FBXO22: variants seen among roughly 807,000 people sequenced by gnomAD.
FBXO22 encodes the protein F-box only protein 22.
Under a neutral mutation model 37.2 loss-of-function variants are expected in FBXO22, and 13 were observed. The ratio of observed to expected loss-of-function variants is 0.35; its 90% CI spans 0.23 to 0.56. The LOEUF (loss-of-function observed/expected upper bound fraction) is 0.56, where lower values mean the gene tolerates loss of function less well. Ranked by LOEUF, FBXO22 falls within the 20% of genes least tolerant of loss-of-function variation. FBXO22 has a pLI of 0.87. For missense variants in FBXO22, 446 were observed against 509.9 expected (o/e 0.87, Z 1.21); for synonymous variants, 189 against 189.1 (o/e 1.00, Z 0.00).
In FBXO22 at chr15:75,937,300, G is replaced by C. The variant is rs182012677; in HGVS notation, c.*4198G>C. 1 of 151,418 alleles carries C rather than the reference G, an allele frequency of 6.6e-6. No individual in the cohort carries two copies. Among genetic ancestry groups the C allele is most frequent in the Non-Finnish European group, 1.5e-5 (1 of 67,882 alleles). The allele number at this position is 151,418 out of a possible 1,614,324, so 9.4% of individuals were successfully genotyped here. ...CGAGATGGGCAGATCACGAGGTCAG[G>C]AGATCGAGACCATCCTGGCTAACAC... On this transcript the variant is annotated 3_prime_UTR_variant, in exon 7 of 7. Transcript: ENST00000308275.
Position 75,904,538 on chromosome 15 carries a change from A to G in FBXO22, c.188A>G (p.His63Arg). The change falls in exon 2 of 7, where the codon CAT (histidine) becomes CGT (arginine). Residue 63 changes from histidine to arginine, a missense_variant. Coordinates refer to ENST00000308275, the MANE Select transcript of FBXO22 (RefSeq NM_147188.3). The stretch of plus-strand genomic sequence containing the variant: ...TGTGTGCGCAGAGTATTGCGGACCC[A>G]TCGGAGCGTAACCTGGATCTCCGCA... ...RECVRRVLRTHRSVTWISAGL... is the reference protein window; with the variant it reads ...RECVRRVLRTRRSVTWISAGL... The G allele has an allele frequency of 4.3e-6, 7 of 1,613,930 alleles. No homozygotes were observed. Among genetic ancestry groups the G allele is most frequent in the Non-Finnish European group, 5.9e-6 (7 of 1,179,892 alleles).
At chr15:75,904,320 C>A in intron 1 of FBXO22, 171 bp from the exon 2 acceptor site, 1 of 1,138,988 alleles carries the variant, frequency 8.8e-7, no homozygotes, top group Admixed American at 2.7e-5. Flanking sequence ...AGGTTTTCTC[C>A]ATATCTGGCT....
In FBXO22 at chr15:75,915,503, C is replaced by T. The variant is rs144060443; in HGVS notation, c.463+1298C>T. 1.4e-3 allele frequency among the ~76,000 whole-genome samples: 210 copies of T among 152,168 alleles called. 2 individuals carry two copies. The highest frequency in any genetic ancestry group is 4.9e-3 in the African/African-American group (203 of 41,524). ...CTTTTTGGCCTGGCGTGGTGGCTGA[C>T]ACCTGTAATCCCAGCACTTTAGGAG... On this transcript the variant is annotated intron_variant, in intron 4 of 6. Transcript: ENST00000308275.
At position 75,939,625 on chromosome 15, in the gene FBXO22, G is replaced by C. The variant is rs1396407949; in HGVS notation, c.*6523G>C. On this transcript the variant is annotated 3_prime_UTR_variant, in exon 7 of 7. Coordinates refer to ENST00000308275, the MANE Select transcript of FBXO22 (RefSeq NM_147188.3). ...AGACCAGTTATTCCTTATGATCGCT[G>C]ATTCAACAATTGTCAATACTAGGAA... is the stretch of plus-strand genomic sequence containing the variant. The C allele has an allele frequency of 1.3e-5, 2 of 152,130 alleles. No individual in the cohort carries two copies. Among genetic ancestry groups the C allele is most frequent in the Non-Finnish European group, 2.9e-5 (2 of 67,994 alleles). The allele number at this position is 152,130 out of a possible 1,614,324, so 9.4% of individuals were successfully genotyped here. A position where few individuals can be genotyped will look rare whatever the true frequency, so the allele number is the denominator to read the frequency against.
intron 2 of FBXO22, among the ~76,000 whole-genome samples, chr15:75,905,162 A>G (rs1460170577): frequency 2.0e-5 from 3 of 152,186 alleles, no homozygotes; most frequent in African/African-American, 7.2e-5. Context: ...ACTATTAACA[A>G]CAACGCTGTG....
intron 2 of FBXO22, 105 bp downstream of exon 2, chr15:75,904,734 C>CTT: frequency 1.9e-6 from 1 of 529,176 alleles, no homozygotes; most frequent in Non-Finnish European, 2.8e-6. Flanking sequence ...AGGAACATCT[C>CTT]GTTCCGTGAA....
At chr15:75,908,410 C>G (rs993047789) in intron 2 of FBXO22, among the ~76,000 whole-genome samples, 12 of 151,868 alleles carry the variant, frequency 7.9e-5, no homozygotes, top group African/African-American at 2.9e-4. Flanking sequence ...GTAGTTGGGA[C>G]TACAGGCGCA....
rs758516099 is a variant in FBXO22 at position 75,913,209 on chromosome 15, C to G, written c.286C>G (p.Arg96Gly). ...TTTTTTTTTTTCTTTGCAGAATGTT[C>G]GCATCTTACCACATACAGTTCTTTA... ...RVVAEELENV[R>G]ILPHTVLYMA... The change falls in exon 3 of 7, where the codon CGC (arginine) becomes GGC (glycine). Residue 96 changes from arginine to glycine, a missense_variant. By Grantham distance (125) the Arg-to-Gly change is moderately radical. Around this residue, in one of 2 missense-constraint regions of FBXO22, gnomAD observed 315 missense variants for 410.1 expected, o/e 0.77. Coordinates refer to ENST00000308275, the MANE Select transcript of FBXO22 (RefSeq NM_147188.3). 10 of 1,601,048 alleles carry G rather than the reference C, an allele frequency of 6.2e-6. 1 individual carries two copies. The East Asian group carries it at 2.2e-4, about 36-fold the overall frequency.
At chr15:75,922,179 C>G (rs1277186719) in intron 5 of FBXO22, among the ~76,000 whole-genome samples, 1 of 152,200 alleles carries the variant, frequency 6.6e-6, no homozygotes, top group Non-Finnish European at 1.5e-5. Flanking sequence ...AGCATCACCA[C>G]AGACATTTGA....
chr15:75,928,730 T>TA (rs56709997), intron 5 of FBXO22, among the ~76,000 whole-genome samples: 7,061 of 149,768 alleles, frequency 0.047, 304 homozygotes, highest in African/African-American at 0.12. Context: ...TCCCTGAACT[T>TA]AAAAAAAAAA....
chr15:75,935,794 T>A lies in FBXO22; in HGVS notation c.*2692T>A, dbSNP rs1320415642. 1 of 151,990 alleles carries A rather than the reference T, an allele frequency of 6.6e-6. No individual in the cohort carries two copies. The highest frequency in any genetic ancestry group is 2.1e-4 in the South Asian group (1 of 4,812). 9.4% of individuals were successfully genotyped at this position (151,990 alleles called of 1,614,324 possible). ...ATAAACTTTTACAAATCTGAGAACT[T>A]TCTTTTTTTTTGAGACGGAGTCCCG... On this transcript the variant is annotated 3_prime_UTR_variant, in exon 7 of 7. Coordinates refer to ENST00000308275, the MANE Select transcript of FBXO22 (RefSeq NM_147188.3).
chr15:75,919,378 C>G (rs1900269994), intron 5 of FBXO22, among the ~76,000 whole-genome samples: 1 of 152,064 alleles, frequency 6.6e-6, no homozygotes, highest in Non-Finnish European at 1.5e-5. Context: ...TTAGCCCTTC[C>G]ACAATGTATA....
intron 2 of FBXO22, among the ~76,000 whole-genome samples, chr15:75,906,977 A>G (rs905891257): frequency 2.0e-4 from 31 of 152,384 alleles, no homozygotes; most frequent in African/African-American, 7.5e-4. Flanking sequence ...ATTTAGTATC[A>G]TCTGAATTAT....
chr15:75,926,575 T>C (rs1471871603), intron 5 of FBXO22, among the ~76,000 whole-genome samples: 1 of 152,158 alleles, frequency 6.6e-6, no homozygotes, highest in Non-Finnish European at 1.5e-5. Flanking sequence ...CTGGAGAAGA[T>C]GGTGTTAACT....
chr15:75,930,248 T>C (rs1309995299), intron 6 of FBXO22, 199 bp downstream of exon 6: 10 of 1,428,222 alleles, frequency 7.0e-6, no homozygotes, highest in East Asian at 2.5e-5. Flanking sequence ...TTTTTATATA[T>C]ATTGTCCTTC....
At position 75,942,188 on chromosome 15, in the gene FBXO22, G is replaced by A. The variant is rs780772915; in HGVS notation, c.*9086G>A. Reference sequence around the variant, plus strand: ...GGGAGGGGTAAATACATGGAGTAGAGATTTTTAGGGTGGTGAAACTACTGT... The same window carrying A: ...GGGAGGGGTAAATACATGGAGTAGAAATTTTTAGGGTGGTGAAACTACTGT... On this transcript the variant is annotated 3_prime_UTR_variant, in exon 7 of 7. Coordinates refer to ENST00000308275, the MANE Select transcript of FBXO22 (RefSeq NM_147188.3). The A allele has an allele frequency of 6.6e-6, 1 of 151,916 alleles. No individual in the cohort carries two copies. The highest frequency in any genetic ancestry group is 1.5e-5 in the Non-Finnish European group (1 of 67,982). 9.4% of individuals were successfully genotyped at this position (151,916 alleles called of 1,614,324 possible). A position where few individuals can be genotyped will look rare whatever the true frequency, so the allele number is the denominator to read the frequency against.
At chr15:75,907,240 C>T (rs561593459) in intron 2 of FBXO22, among the ~76,000 whole-genome samples, 53 of 152,250 alleles carry the variant, frequency 3.5e-4, no homozygotes, top group Middle Eastern at 6.8e-3. Context: ...CTCTCTGAGC[C>T]TCAGGTGCTA....
chr15:75,920,053 A>G (rs977651486), intron 5 of FBXO22, among the ~76,000 whole-genome samples: 5 of 152,226 alleles, frequency 3.3e-5, no homozygotes, highest in African/African-American at 4.8e-5. Flanking sequence ...AAGGATGCCA[A>G]ACTTCCTTTG....
At chr15:75,908,711 G>A (rs1899983188) in intron 2 of FBXO22, among the ~76,000 whole-genome samples, 1 of 152,184 alleles carries the variant, frequency 6.6e-6, no homozygotes, top group Non-Finnish European at 1.5e-5. Flanking sequence ...GCTTGCCTCC[G>A]TTTAGCCTTA....
Sources: allele counts gnomAD v4.1 joint callset (sites outside exome capture counted in the v4.1 genomes callset), GRCh38; gene constraint gnomAD v4.1.1; regional missense constraint gnomAD v4.1.1; transcripts MANE v1.5; gene names NCBI Gene and HGNC (gene_info 2026-07-23, HGNC 2026-07-21).